Variants in TANGO6 observed in about 807,000 individuals in gnomAD.
TANGO6 encodes transport and Golgi organization protein 6 homolog.
In TANGO6, 90 loss-of-function variants were observed where a neutral mutation model predicts 114.2. The ratio of observed to expected loss-of-function variants is 0.79; its 90% CI spans 0.66 to 0.94. The LOEUF (loss-of-function observed/expected upper bound fraction) is 0.94. Among genes scored for constraint, TANGO6 ranks in the 40% least tolerant of loss-of-function variants. The pLI, the probability that TANGO6 is intolerant of heterozygous loss-of-function variation, is 0.00. For synonymous variants in TANGO6, 477 were observed against 509.8 expected (o/e 0.94, Z 0.87); for missense variants, 1,274 against 1,315.3 (o/e 0.97, Z 0.49).
At chr16:68,914,457 T>C (rs1326121868) in intron 11 of TANGO6, among the ~76,000 whole-genome samples, 17 of 152,200 alleles carry the variant, frequency 1.1e-4, no homozygotes, top group Admixed American at 1.0e-3. Context: ...CCACCGCGCC[T>C]GGACTTAATG....
chr16:69,079,999 T>G (rs1960442288), intron 17 of TANGO6, among the ~76,000 whole-genome samples: 1 of 152,190 alleles, frequency 6.6e-6, no homozygotes. Context: ...GGTGGGAGAA[T>G]CACTTGAGGC....
intron 15 of TANGO6, 114 bp from the exon 16 acceptor site, chr16:69,022,714 T>C: frequency 8.6e-7 from 1 of 1,163,762 alleles, no homozygotes; most frequent in Non-Finnish European, 1.2e-6. Context: ...AAAAAAAAAA[T>C]AAAAACAAAA....
chr16:68,875,599 TCTA>T (rs1962341631), intron 5 of TANGO6, among the ~76,000 whole-genome samples: 2 of 152,024 alleles, frequency 1.3e-5, no homozygotes, highest in South Asian at 4.1e-4. Flanking sequence ...AAACCCCGTC[TCTA>T]CTAAAAAAAA....
chr16:68,921,554 T>TG (rs1379723776), intron 12 of TANGO6, among the ~76,000 whole-genome samples: 2 of 150,916 alleles, frequency 1.3e-5, no homozygotes, highest in African/African-American at 2.5e-5. Context: ...TGTTTTGTTT[T>TG]TTTTTGGTTG....
chr16:68,954,204 C>T lies in TANGO6; in HGVS notation c.2702-19824C>T, dbSNP rs146201010. On this transcript the variant is annotated intron_variant, in intron 14 of 17. Coordinates refer to ENST00000261778, the MANE Select transcript of TANGO6 (RefSeq NM_024562.2). Reference sequence around the variant, plus strand: ...AGCAGAGGTTGCAGTGAGCTGAGATCGTGCCACTACACTCCAGCCTGAGCA... The same window carrying T: ...AGCAGAGGTTGCAGTGAGCTGAGATTGTGCCACTACACTCCAGCCTGAGCA... Among the ~76,000 whole-genome samples the T allele has an allele frequency of 4.7e-3, 694 of 146,144 alleles. 6 individuals are homozygous for T. The highest frequency in any genetic ancestry group is 0.017 in the African/African-American group (656 of 38,828).
chr16:69,064,378 G>A lies in TANGO6; in HGVS notation c.3109-19107G>A, dbSNP rs1960183703. On this transcript the variant is annotated intron_variant, in intron 17 of 17. Transcript: ENST00000261778. Reference sequence around the variant, plus strand: ...GTCTGCACTTCCCCTATCCACAGAGGCATGACCTGAGGCTGTGTGATCAGA... The same window carrying A: ...GTCTGCACTTCCCCTATCCACAGAGACATGACCTGAGGCTGTGTGATCAGA... Among the ~76,000 whole-genome samples, 3 of 152,206 alleles carry A rather than the reference G, an allele frequency of 2.0e-5. No homozygotes were observed. In the South Asian group the frequency reaches 6.2e-4, roughly 32 times the overall value.
intron 13 of TANGO6, 125 bp downstream of exon 13, chr16:68,928,208 T>C: frequency 8.7e-7 from 1 of 1,152,800 alleles, no homozygotes; most frequent in Non-Finnish European, 1.2e-6. Context: ...ATTTGTGAAT[T>C]TTGTGAGGAG....
intron 7 of TANGO6, among the ~76,000 whole-genome samples, chr16:68,889,249 A>C (rs936366843): frequency 3.9e-5 from 6 of 152,184 alleles, no homozygotes; most frequent in African/African-American, 1.4e-4. Context: ...GCCCACCTTA[A>C]TGCCTCAGTA....
intron 14 of TANGO6, among the ~76,000 whole-genome samples, chr16:68,972,396 G>C (rs1963715823): frequency 6.6e-6 from 1 of 152,092 alleles, no homozygotes; most frequent in Non-Finnish European, 1.5e-5. Flanking sequence ...ATAAAAAACT[G>C]CACGTAGACT....
intron 17 of TANGO6, among the ~76,000 whole-genome samples, chr16:69,073,970 A>G (rs1394729600): frequency 2.0e-5 from 3 of 151,754 alleles, no homozygotes; most frequent in Admixed American, 6.6e-5. Flanking sequence ...TAAAAAAAAA[A>G]AAAAAAGGCA....
At chr16:68,959,311 G>A (rs903435164) in intron 14 of TANGO6, among the ~76,000 whole-genome samples, 4 of 152,120 alleles carry the variant, frequency 2.6e-5, no homozygotes, top group South Asian at 2.1e-4. Flanking sequence ...AAAATGGGCC[G>A]AGTGCGGTGG....
At chr16:68,953,210 A>G (rs1192145027) in intron 14 of TANGO6, among the ~76,000 whole-genome samples, 13 of 151,924 alleles carry the variant, frequency 8.6e-5, no homozygotes. Context: ...CGGCTTCCTG[A>G]GTAACTGGGA....
chr16:68,920,789 T>G (rs1029989383), intron 12 of TANGO6, among the ~76,000 whole-genome samples: 2 of 152,080 alleles, frequency 1.3e-5, no homozygotes, highest in African/African-American at 4.8e-5. Context: ...AATTATATAT[T>G]TTCCATATTG....
intron 15 of TANGO6, among the ~76,000 whole-genome samples, chr16:68,981,901 A>C (rs902297644): frequency 6.6e-6 from 1 of 152,204 alleles, no homozygotes; most frequent in Admixed American, 6.5e-5. Flanking sequence ...AAAATTCAAA[A>C]TCTGAAAAAC....
At chr16:68,979,509 C>T (rs551894427) in intron 15 of TANGO6, among the ~76,000 whole-genome samples, 1 of 152,066 alleles carries the variant, frequency 6.6e-6, no homozygotes, top group South Asian at 2.1e-4. Context: ...GGATTACAGG[C>T]GTGAGCCACT....
intron 14 of TANGO6, among the ~76,000 whole-genome samples, chr16:68,947,663 C>T (rs1963430212): frequency 6.8e-6 from 1 of 147,424 alleles, no homozygotes; most frequent in South Asian, 2.2e-4. Flanking sequence ...GTGATCACAG[C>T]TCACTGCACG....
chr16:68,939,076 A>AG (rs1963325720), intron 14 of TANGO6, among the ~76,000 whole-genome samples: 1 of 149,610 alleles, frequency 6.7e-6, no homozygotes, highest in African/African-American at 2.4e-5. Context: ...TGTCCCCAAA[A>AG]AAAAAAAAAA....
rs1458116331 is a variant in TANGO6 at position 68,850,802 on chromosome 16, G to A, written c.94+7091G>A. Among the ~76,000 whole-genome samples, 6 of 152,318 alleles carry A rather than the reference G, an allele frequency of 3.9e-5. No individual in the cohort carries two copies. The South Asian group carries it at 8.3e-4, about 21-fold the overall frequency. On this transcript the variant is annotated intron_variant, in intron 1 of 17. Transcript: ENST00000261778. ...GAAAACAGTTGGTGGGCCAGATTTG[G>A]ACTGCAGATCATAGTTTGGTGACCT...
chr16:68,984,427 A>G (rs1444808776), intron 15 of TANGO6, among the ~76,000 whole-genome samples: 1 of 152,094 alleles, frequency 6.6e-6, no homozygotes, highest in Non-Finnish European at 1.5e-5. Context: ...TCTTTCTCAC[A>G]TCAATTTTTT....
Sources: allele counts gnomAD v4.1 joint callset (sites outside exome capture counted in the v4.1 genomes callset), GRCh38; gene constraint gnomAD v4.1.1; transcripts MANE v1.5; gene names NCBI Gene and HGNC (gene_info 2026-07-23, HGNC 2026-07-21).